Variants in NREP observed in about 807,000 individuals in gnomAD.
The protein encoded by NREP is neuronal regeneration related protein, also known as neuronal regeneration-related protein.
In NREP, 5 loss-of-function variants were observed where a neutral mutation model predicts 8.6. The ratio of observed to expected loss-of-function variants is 0.58; its 90% CI spans 0.30 to 1.22. NREP has a LOEUF of 1.22. Ranked by LOEUF, NREP falls within the 50% of genes most tolerant of loss-of-function variation. The probability of loss-of-function intolerance (pLI) is 0.07; values close to 1 mark genes in which losing one functional copy is unlikely to be tolerated. For missense variants in NREP, 86 were observed against 82.5 expected (o/e 1.04, Z -0.17); for synonymous variants, 27 against 28.0 (o/e 0.96, Z 0.11).
At chr5:111,934,030 G>C (rs1755614636) in intron 2 of NREP, among the ~76,000 whole-genome samples, 1 of 152,008 alleles carries the variant, frequency 6.6e-6, no homozygotes, top group Admixed American at 6.6e-5. Context: ...TTTTCCTTTT[G>C]GGGACAGAAA....
chr5:111,773,376 C>T (rs1344528275), intron 2 of NREP, among the ~76,000 whole-genome samples: 1 of 152,150 alleles, frequency 6.6e-6, no homozygotes, highest in Non-Finnish European at 1.5e-5. Flanking sequence ...CTAATTGGTC[C>T]TTGGCCACTC....
intron 2 of NREP, chr5:111,846,455 T>G (rs4394164): frequency 6.9e-6 from 1 of 144,386 alleles, no homozygotes; most frequent in South Asian, 2.2e-4. Context: ...TGTCTAAAGG[T>G]TTATCCTTTC....
chr5:111,741,088 T>C (rs1025417766), intron 2 of NREP, among the ~76,000 whole-genome samples: 1 of 152,340 alleles, frequency 6.6e-6, no homozygotes, highest in Non-Finnish European at 1.5e-5. Flanking sequence ...TGTTATTCTT[T>C]ATCCCTGATG....
chr5:111,875,939 G>A (rs918992312), intron 2 of NREP, among the ~76,000 whole-genome samples: 8 of 152,192 alleles, frequency 5.3e-5, no homozygotes, highest in African/African-American at 1.9e-4. Context: ...TGAAATGTAA[G>A]GGGTTTTATA....
At position 111,783,243 on chromosome 5, in the gene NREP, T is replaced by C. The variant is rs373170634; in HGVS notation, c.136-47736A>G. Reference sequence around the variant, plus strand: ...AAAAGGAGCAAAGGAGCAGGGATCATGTACTAACTCCCTGAGGTAATTTGT... The same window carrying C: ...AAAAGGAGCAAAGGAGCAGGGATCACGTACTAACTCCCTGAGGTAATTTGT... On this transcript the variant is annotated intron_variant, in intron 2 of 3. Transcript: ENST00000395634. Among the ~76,000 whole-genome samples, 27 of 152,326 alleles carry C rather than the reference T, an allele frequency of 1.8e-4. 1 individual carries two copies. Among genetic ancestry groups the C allele is most frequent in the East Asian group, 1.2e-3 (6 of 5,192 alleles).
At chr5:111,735,875 G>A (rs1343274864) in intron 2 of NREP, among the ~76,000 whole-genome samples, 1 of 152,160 alleles carries the variant, frequency 6.6e-6, no homozygotes, top group Non-Finnish European at 1.5e-5. Flanking sequence ...ATCAAACACT[G>A]TTAAGGGTTA....
chr5:111,922,329 G>A (rs1755266875), intron 2 of NREP, among the ~76,000 whole-genome samples: 1 of 152,102 alleles, frequency 6.6e-6, no homozygotes, highest in Non-Finnish European at 1.5e-5. Context: ...TTTAAATGAA[G>A]AGCCATTGTC....
intron 2 of NREP, among the ~76,000 whole-genome samples, chr5:111,959,660 C>A (rs539230485): frequency 2.3e-4 from 35 of 151,956 alleles, no homozygotes; most frequent in African/African-American, 8.2e-4. Flanking sequence ...CCTCAAATAT[C>A]AACAGTTAAA....
At chr5:111,932,113 T>C (rs1379545649) in intron 2 of NREP, among the ~76,000 whole-genome samples, 4 of 121,886 alleles carry the variant, frequency 3.3e-5, no homozygotes, top group Non-Finnish European at 6.8e-5. Flanking sequence ...GTGGAGACTT[T>C]TTGCAAAAAA....
At chr5:111,899,527 A>G (rs1754591748) in intron 2 of NREP, among the ~76,000 whole-genome samples, 1 of 152,194 alleles carries the variant, frequency 6.6e-6, no homozygotes, top group Non-Finnish European at 1.5e-5. Context: ...AAAAAGAAGA[A>G]AAAATAAAAC....
chr5:111,790,476 C>T (rs183190764), intron 2 of NREP, among the ~76,000 whole-genome samples: 5 of 141,128 alleles, frequency 3.5e-5, no homozygotes, highest in Non-Finnish European at 7.5e-5. Flanking sequence ...GGAATGTTTA[C>T]CTACTGGGCA....
chr5:111,828,273 A>G (rs1266824445), intron 2 of NREP, among the ~76,000 whole-genome samples: 1 of 152,046 alleles, frequency 6.6e-6, no homozygotes, highest in Non-Finnish European at 1.5e-5. Flanking sequence ...CAAGTGATCC[A>G]CCGCCTCAGC....
At chr5:111,871,972 A>G (rs1753801756) in intron 2 of NREP, among the ~76,000 whole-genome samples, 1 of 149,914 alleles carries the variant, frequency 6.7e-6, no homozygotes, top group African/African-American at 2.4e-5. Context: ...TGTGCTTACC[A>G]TATATATACA....
At chr5:111,882,730 T>G (rs1407261413) in intron 2 of NREP, among the ~76,000 whole-genome samples, 1 of 152,054 alleles carries the variant, frequency 6.6e-6, no homozygotes, top group Admixed American at 6.6e-5. Context: ...CAAACTAAGC[T>G]TCATAAGTGA....
rs987597271 is a variant in NREP, at chr5:111,967,713, G to A, written c.135+7561C>T. 1.1e-4 allele frequency among the ~76,000 whole-genome samples: 17 copies of A among 152,012 alleles called. No homozygotes were observed. The East Asian group carries it at 1.2e-3, about 10-fold the overall frequency. ...ATGTGAGGATCGCCTCTGCCCGGCC[G>A]CTGTGCAACCTTCCAAGTGTGAAGT... On this transcript the variant is annotated intron_variant, in intron 2 of 3. Coordinates refer to the NREP transcript ENST00000395634.
rs1377898409 is a variant in NREP, at chr5:111,730,151, C to T, written c.*770G>A. 2 of 152,514 alleles carry T rather than the reference C, an allele frequency of 1.3e-5. No homozygotes were observed. Among genetic ancestry groups the T allele is most frequent in the Admixed American group, 1.3e-4 (2 of 15,250 alleles). The allele number at this position is 152,514 out of a possible 1,614,324, so 9.4% of individuals were successfully genotyped here. A position where few individuals can be genotyped will look rare whatever the true frequency, so the allele number is the denominator to read the frequency against. Reference sequence around the variant, plus strand: ...CTGCATGTCCGTGAGCGCCAGCCAACGAGACAATGGTCTCTCACACTCTGG... The same window carrying T: ...CTGCATGTCCGTGAGCGCCAGCCAATGAGACAATGGTCTCTCACACTCTGG... On this transcript the variant is annotated 3_prime_UTR_variant, in exon 4 of 4. Transcript: ENST00000257435.
intron 2 of NREP, among the ~76,000 whole-genome samples, chr5:111,950,117 A>T (rs1168622304): frequency 6.6e-6 from 1 of 151,882 alleles, no homozygotes; most frequent in Non-Finnish European, 1.5e-5. Flanking sequence ...TTTAATAATC[A>T]CCATTCTAAC....
intron 2 of NREP, among the ~76,000 whole-genome samples, chr5:111,896,482 A>C (rs1481046462): frequency 6.6e-6 from 1 of 152,186 alleles, no homozygotes; most frequent in Non-Finnish European, 1.5e-5. Flanking sequence ...GAGTGGTCAG[A>C]GCTCTACATA....
intron 2 of NREP, among the ~76,000 whole-genome samples, chr5:111,805,785 T>C (rs1752126344): frequency 1.3e-5 from 2 of 152,098 alleles, no homozygotes; most frequent in Admixed American, 1.3e-4. Context: ...TTATCAAATA[T>C]GGCAAAATGT....
Sources: gnomAD v4.1 joint callset for allele counts (sites outside exome capture counted in the v4.1 genomes callset) on GRCh38, gnomAD v4.1.1 for gene constraint, MANE v1.5 for transcripts, NCBI Gene and HGNC (gene_info 2026-07-23, HGNC 2026-07-21) for gene names.